Variants in TJP2 observed in about 807,000 individuals in gnomAD.
The protein encoded by TJP2 is tight junction protein 2.
In TJP2, 91 loss-of-function variants were observed where a neutral mutation model predicts 133.1. The observed-to-expected ratio is 0.68, with a 90% CI of 0.58 to 0.81. The LOEUF (loss-of-function observed/expected upper bound fraction) is 0.81. TJP2 is among the 40% of genes least tolerant of loss of function. The probability of loss-of-function intolerance (pLI) is 0.00; values close to 1 mark genes in which losing one functional copy is unlikely to be tolerated. For missense variants in TJP2, 1,541 were observed against 1,565.6 expected (o/e 0.98, Z 0.26); for synonymous variants, 592 against 583.4 (o/e 1.01, Z -0.21).
intron 19 of TJP2, 85 bp from the exon 20 acceptor site, chr9:69,249,289 GT>G: frequency 3.2e-6 from 5 of 1,545,062 alleles, no homozygotes; most frequent in Non-Finnish European, 4.4e-6. Context: ...ACTTACTCAA[GT>G]TTGCAGAACT....
rs1439005015 is a variant in TJP2 at position 69,226,103 on chromosome 9, G to C, written c.1138G>C (p.Val380Leu). The C allele has an allele frequency of 1.9e-6, 3 of 1,614,052 alleles. No individual in the cohort carries two copies. The highest frequency in any genetic ancestry group is 2.7e-5 in the African/African-American group (2 of 74,928). Reference protein sequence around the residue: ...IEKSRGKLQLVVLRDSQQTLI... With the variant: ...IEKSRGKLQLLVLRDSQQTLI... Reference sequence around the variant, plus strand: ...AAAGTCAAGAGGAAAACTACAGCTAGTGGTGTTGAGAGACAGCCAGCAGAC... The same window carrying C: ...AAAGTCAAGAGGAAAACTACAGCTACTGGTGTTGAGAGACAGCCAGCAGAC... The change falls in exon 7 of 23, where the codon GTG becomes CTG. Residue 380 changes from valine to leucine, a missense_variant. Transcript: ENST00000377245.
intron 1 of TJP2, among the ~76,000 whole-genome samples, chr9:69,198,614 C>T (rs887115031): frequency 2.6e-5 from 4 of 152,200 alleles, no homozygotes; most frequent in Admixed American, 6.5e-5. Flanking sequence ...CCTCTCTAAG[C>T]TTATTGCTTT....
chr9:69,183,482 A>G (rs562509300), intron 1 of TJP2, among the ~76,000 whole-genome samples: 351 of 152,296 alleles, frequency 2.3e-3, no homozygotes, highest in Middle Eastern at 0.01. Context: ...CCTCTGTGAA[A>G]TTCATCCGTA....
intron 1 of TJP2, among the ~76,000 whole-genome samples, chr9:69,135,429 G>A (rs1822687437): frequency 6.6e-6 from 1 of 151,054 alleles, no homozygotes; most frequent in Non-Finnish European, 1.5e-5. Context: ...CTAGGGTCTA[G>A]GATTTTGTTG....
chr9:69,201,346 GGCCATCC>G (rs1162032081), intron 1 of TJP2, among the ~76,000 whole-genome samples: 1 of 152,000 alleles, frequency 6.6e-6, no homozygotes. Flanking sequence ...ACGTTCTGAT[GGCCATCC>G]TCTACTGTCC....
At chr9:69,221,883 G>A (rs1468092117) in intron 5 of TJP2, among the ~76,000 whole-genome samples, 2 of 46,420 alleles carry the variant, frequency 4.3e-5, no homozygotes, top group African/African-American at 8.9e-5. Flanking sequence ...TTTTTTTTTT[G>A]AGACGGAGTC....
At chr9:69,238,847 C>A in intron 16 of TJP2, 58 bp downstream of exon 16, 1 of 1,397,886 alleles carries the variant, frequency 7.2e-7, no homozygotes, top group Non-Finnish European at 1.0e-6. Context: ...TGGTTTGCTG[C>A]AGTCACTTTT....
At chr9:69,182,506 A>G in intron 1 of TJP2, among the ~76,000 whole-genome samples, 1 of 152,182 alleles carries the variant, frequency 6.6e-6, no homozygotes, top group East Asian at 1.9e-4. Context: ...TATTTAGTCT[A>G]CTTATACTAT....
chr9:69,234,507 A>G lies in TJP2; in HGVS notation c.1740A>G (p.Lys580=), dbSNP rs1213312889. The G allele has an allele frequency of 7.1e-7, 1 of 1,410,564 alleles. No individual in the cohort carries two copies. 87.4% of individuals were successfully genotyped at this position (1,410,564 alleles called of 1,614,324 possible). The change falls in exon 12 of 23, where the codon AAA becomes AAG. Residue 580 remains lysine (K), a synonymous_variant. Transcript: ENST00000377245. ...TTCTCTACCTGTTAGAAATCCCTAA[A>G]GGTGAAATGGTGACCATTTTAGCTC... ...DAVLYLLEIP[K]GEMVTILAQS... is the part of the protein sequence containing the mutation.
intron 1 of TJP2, among the ~76,000 whole-genome samples, chr9:69,210,742 C>CTTTTTTTTTT (rs200516626): frequency 8.5e-6 from 1 of 117,878 alleles, no homozygotes; most frequent in Non-Finnish European, 1.8e-5. Flanking sequence ...ATTTTGAGTT[C>CTTTTTTTTTT]TTTTTTTTTT....
At chr9:69,228,227 G>A (rs1027496039) in intron 9 of TJP2, 113 bp downstream of exon 9, 6 of 1,311,830 alleles carry the variant, frequency 4.6e-6, no homozygotes, top group Non-Finnish European at 6.4e-6. Flanking sequence ...GCAGCTGGAG[G>A]CCATTATCCT....
chr9:69,211,003 C>T (rs1284175341), intron 1 of TJP2, among the ~76,000 whole-genome samples: 2 of 152,174 alleles, frequency 1.3e-5, no homozygotes, highest in African/African-American at 4.8e-5. Context: ...GAAATACAGA[C>T]GTGAGCCACT....
chr9:69,159,731 A>G (rs1823963739), intron 2 of TJP2, among the ~76,000 whole-genome samples: 1 of 152,030 alleles, frequency 6.6e-6, no homozygotes, highest in African/African-American at 2.4e-5. Flanking sequence ...GCAAAAAATT[A>G]GCCAGGTGGT....
chr9:69,204,353 G>A (rs1331086825), intron 1 of TJP2, among the ~76,000 whole-genome samples: 1 of 152,140 alleles, frequency 6.6e-6, no homozygotes, highest in Non-Finnish European at 1.5e-5. Context: ...GCAAGAATTG[G>A]CCAGAGGCTC....
In TJP2 at chr9:69,254,862, C is replaced by T. The variant is rs1485555767; in HGVS notation, c.*488C>T. On this transcript the variant is annotated 3_prime_UTR_variant, in exon 23 of 23. Coordinates refer to ENST00000377245, the MANE Select transcript of TJP2 (RefSeq NM_004817.4). Reference sequence around the variant, plus strand: ...ATGAGAAGTGTCTTAAATTTTCTTCCTTTGAAGCTTTAGGCAGAGCCATAA... The same window carrying T: ...ATGAGAAGTGTCTTAAATTTTCTTCTTTTGAAGCTTTAGGCAGAGCCATAA... 1.2e-5 allele frequency: 5 copies of T among 434,372 alleles called. No homozygotes were observed. Among genetic ancestry groups the T allele is most frequent in the Non-Finnish European group, 2.0e-5 (5 of 247,470 alleles). 26.9% of individuals were successfully genotyped at this position (434,372 alleles called of 1,614,324 possible).
At chr9:69,182,230 C>T (rs537652226) in intron 1 of TJP2, among the ~76,000 whole-genome samples, 2 of 152,296 alleles carry the variant, frequency 1.3e-5, no homozygotes, top group Admixed American at 1.3e-4. Context: ...AGCACTTTGC[C>T]TTCCTTGGGC....
chr9:69,141,087 G>C (rs559142445), intron 1 of TJP2, among the ~76,000 whole-genome samples: 2 of 152,296 alleles, frequency 1.3e-5, no homozygotes, highest in African/African-American at 2.4e-5. Context: ...CTGACCTCAG[G>C]TGATCCACCC....
intron 1 of TJP2, among the ~76,000 whole-genome samples, chr9:69,185,950 A>G (rs920322479): frequency 7.6e-6 from 1 of 131,192 alleles, no homozygotes; most frequent in African/African-American, 2.9e-5. Context: ...TGTATTTTTT[A>G]GTAGAGATGG....
Position 69,218,093 on chromosome 9 carries a change from T to C in TJP2, c.240-164T>C, listed in dbSNP as rs913913220. On this transcript the variant is annotated intron_variant, in intron 3 of 22. Coordinates refer to ENST00000377245, the MANE Select transcript of TJP2 (RefSeq NM_004817.4). Reference sequence around the variant, plus strand: ...CTGTATGGCCCCCAGTTCCTTTCTTTGGAAGATCTCAGGCCAAGTTGACTG... The same window carrying C: ...CTGTATGGCCCCCAGTTCCTTTCTTCGGAAGATCTCAGGCCAAGTTGACTG... Among the ~76,000 whole-genome samples, 4 of 152,344 alleles carry C rather than the reference T, an allele frequency of 2.6e-5. No homozygotes were observed. In the South Asian group the frequency reaches 8.3e-4, roughly 32 times the overall value.
Sources: gnomAD v4.1 joint callset for allele counts (sites outside exome capture counted in the v4.1 genomes callset) on GRCh38, gnomAD v4.1.1 for gene constraint, MANE v1.5 for transcripts, NCBI Gene and HGNC (gene_info 2026-07-23, HGNC 2026-07-21) for gene names.